Variants in SDHC observed in about 807,000 individuals in gnomAD.
SDHC encodes succinate dehydrogenase complex subunit C.
SDHC carries 11 observed loss-of-function variants against 22.6 expected under a neutral mutation model. The observed-to-expected ratio is 0.49, with a 90% CI of 0.31 to 0.81. The LOEUF (loss-of-function observed/expected upper bound fraction) is 0.81, where lower values mean the gene tolerates loss of function less well. Ranked by LOEUF, SDHC falls within the 30% of genes least tolerant of loss-of-function variation. The pLI is 0.05. For missense variants in SDHC, 160 were observed against 212.0 expected, an observed-to-expected ratio of 0.75 and a Z score of 1.52; for synonymous variants, 80 against 77.8, an observed-to-expected ratio of 1.03 and a Z score of -0.15.
At chr1:161,351,116 C>T (rs571739429) in intron 4 of SDHC, among the ~76,000 whole-genome samples, 10 of 152,300 alleles carry the variant, frequency 6.6e-5, no homozygotes, top group African/African-American at 2.4e-4. Context: ...GTGTGGTGCA[C>T]GTGTGATTCC....
chr1:161,316,734 T>G (rs1571832891), intron 1 of SDHC, among the ~76,000 whole-genome samples: 1 of 152,150 alleles, frequency 6.6e-6, no homozygotes, highest in African/African-American at 2.4e-5. Flanking sequence ...ATTAAAAATT[T>G]TTTTTTTCTT....
intron 3 of SDHC, among the ~76,000 whole-genome samples, chr1:161,330,100 A>G (rs1344411958): frequency 6.6e-6 from 1 of 152,160 alleles, no homozygotes; most frequent in Non-Finnish European, 1.5e-5. Context: ...GGGAGGGTGC[A>G]TTATTTTACC....
intron 4 of SDHC, among the ~76,000 whole-genome samples, chr1:161,354,013 AT>A (rs558779005): frequency 3.3e-5 from 5 of 151,764 alleles, no homozygotes; most frequent in Non-Finnish European, 7.4e-5. Flanking sequence ...TTTTGTTTTT[AT>A]TTTTTGTCTT....
chr1:161,354,464 AG>A (rs1187948586), intron 4 of SDHC, among the ~76,000 whole-genome samples: 1 of 152,124 alleles, frequency 6.6e-6, no homozygotes, highest in Non-Finnish European at 1.5e-5. Context: ...TTGGTACCCC[AG>A]GGCAGCTTGG....
At chr1:161,325,633 C>T (rs956092464) in intron 2 of SDHC, among the ~76,000 whole-genome samples, 1 of 152,118 alleles carries the variant, frequency 6.6e-6, no homozygotes, top group Non-Finnish European at 1.5e-5. Flanking sequence ...ATAGCCTGAG[C>T]ATGGCTGTTT....
chr1:161,319,354 T>C (rs1339805831), intron 1 of SDHC, among the ~76,000 whole-genome samples: 1 of 151,472 alleles, frequency 6.6e-6, no homozygotes, highest in African/African-American at 2.4e-5. Context: ...GAAATATTGA[T>C]AGATATGAAC....
chr1:161,318,282 G>A (rs540858576), intron 1 of SDHC, among the ~76,000 whole-genome samples: 3 of 151,642 alleles, frequency 2.0e-5, no homozygotes, highest in South Asian at 4.2e-4. Flanking sequence ...CCCCTCCCCC[G>A]CATATAAACA....
chr1:161,331,611 T>C (rs1671274754), intron 3 of SDHC, among the ~76,000 whole-genome samples: 1 of 150,200 alleles, frequency 6.7e-6, no homozygotes, highest in Non-Finnish European at 1.5e-5. Flanking sequence ...TTTTTTTTTT[T>C]CTGAGACAGA....
At chr1:161,340,544 A>T in intron 3 of SDHC, 50 bp from the exon 4 acceptor site, 2 of 1,486,300 alleles carry the variant, frequency 1.3e-6, no homozygotes, top group Non-Finnish European at 1.9e-6. Context: ...ACTCTCTACT[A>T]TGGTGTCATC....
rs1672580466 is a variant in SDHC, at chr1:161,362,820, G to GGGT, written c.*390_*392dup. The GGGT allele has an allele frequency of 3.9e-6, 2 of 508,638 alleles. No individual in the cohort carries two copies. The highest frequency in any genetic ancestry group is 3.8e-5 in the African/African-American group (2 of 52,272). 31.5% of individuals were successfully genotyped at this position (508,638 alleles called of 1,614,324 possible). A position where few individuals can be genotyped will look rare whatever the true frequency, so the allele number is the denominator to read the frequency against. ...TGCCCTGGGGATGGGCCGGGTTGGG[G>GGGT]GGTGGGTTGGTGAGGCTTTGGGTGC... is the stretch of plus-strand genomic sequence containing the variant. On this transcript the variant is annotated 3_prime_UTR_variant, in exon 6 of 6. Coordinates refer to ENST00000367975, the MANE Select transcript of SDHC (RefSeq NM_003001.5).
chr1:161,343,694 G>A (rs1558176363), intron 4 of SDHC, among the ~76,000 whole-genome samples: 3 of 152,128 alleles, frequency 2.0e-5, no homozygotes, highest in Non-Finnish European at 4.4e-5. Flanking sequence ...GGAATTTCTA[G>A]ATGGATGCTT....
At chr1:161,358,410 G>C (rs931264315) in intron 5 of SDHC, among the ~76,000 whole-genome samples, 10 of 151,898 alleles carry the variant, frequency 6.6e-5, no homozygotes, top group Non-Finnish European at 2.9e-5. Context: ...CACATGGCAG[G>C]AATCATTTAA....
At chr1:161,314,508 T>C (rs1275304384) in intron 1 of SDHC, 83 bp downstream of exon 1, 19 of 1,527,022 alleles carry the variant, frequency 1.2e-5, no homozygotes, top group Admixed American at 1.7e-5. Context: ...GATAACTGTT[T>C]ATCCTGTGCC....
At chr1:161,335,106 G>A (rs543538500) in intron 3 of SDHC, among the ~76,000 whole-genome samples, 10 of 152,212 alleles carry the variant, frequency 6.6e-5, no homozygotes, top group Non-Finnish European at 1.0e-4. Flanking sequence ...TGACCTTGAC[G>A]TTTTTAGAAT....
intron 1 of SDHC, among the ~76,000 whole-genome samples, chr1:161,315,530 A>G (rs976110229): frequency 6.6e-6 from 1 of 152,084 alleles, no homozygotes; most frequent in African/African-American, 2.4e-5. Context: ...ATTCTCTGAT[A>G]TATTTTGGTA....
intron 4 of SDHC, among the ~76,000 whole-genome samples, chr1:161,343,106 T>C (rs1671777981): frequency 6.6e-6 from 1 of 152,206 alleles, no homozygotes; most frequent in Admixed American, 6.5e-5. Flanking sequence ...AAATAGAGCT[T>C]TCGAGGTAGG....
intron 4 of SDHC, among the ~76,000 whole-genome samples, chr1:161,344,742 T>C (rs995275101): frequency 1.3e-5 from 2 of 152,212 alleles, no homozygotes; most frequent in South Asian, 4.1e-4. Context: ...AAAATGGGCA[T>C]ATTAATAATG....
chr1:161,330,257 C>T (rs887028075), intron 3 of SDHC, among the ~76,000 whole-genome samples: 3 of 152,180 alleles, frequency 2.0e-5, no homozygotes, highest in Admixed American at 6.5e-5. Context: ...CCATCTGAAC[C>T]AGATATGGGT....
At chr1:161,322,208 C>A (rs1225202436) in intron 1 of SDHC, among the ~76,000 whole-genome samples, 2 of 152,162 alleles carry the variant, frequency 1.3e-5, no homozygotes, top group Admixed American at 1.3e-4. Context: ...GTTTCAGATT[C>A]TGGATTTTCC....
Sources: gnomAD v4.1 joint callset for allele counts (sites outside exome capture counted in the v4.1 genomes callset) on GRCh38, gnomAD v4.1.1 for gene constraint, MANE v1.5 for transcripts, NCBI Gene and HGNC (gene_info 2026-07-23, HGNC 2026-07-21) for gene names.